LRRC70: variants seen among roughly 807,000 people sequenced by gnomAD.
LRRC70 encodes the protein leucine rich repeat containing 70.
A neutral mutation model predicts 42.4 loss-of-function variants in LRRC70; 31 were observed. The observed-to-expected ratio is 0.73, with a 90% CI of 0.55 to 0.99. LRRC70 has a LOEUF of 0.99. LRRC70 is among the 50% of genes least tolerant of loss of function. The pLI, the probability that LRRC70 is intolerant of heterozygous loss-of-function variation, is 0.00. For synonymous variants in LRRC70, 270 were observed against 262.9 expected (o/e 1.03, Z -0.26); for missense variants, 643 against 707.5 (o/e 0.91, Z 1.03).
Position 62,581,052 on chromosome 5 carries a change from T to C in LRRC70, c.1614T>C (p.Ala538=). Residue 538 remains alanine, a synonymous_variant, in exon 2 of 2, where the codon GCT becomes GCC. Coordinates refer to ENST00000334994, the MANE Select transcript of LRRC70 (RefSeq NM_181506.5). ...FDILLAFFIL[A]CVLIIFLIYK... Reference sequence around the variant, plus strand: ...TTTTGCTAGCTTTTTTCATCTTAGCTTGTGTTTTAATCATTTTTTTGATCT... The same window carrying C: ...TTTTGCTAGCTTTTTTCATCTTAGCCTGTGTTTTAATCATTTTTTTGATCT... 1.9e-6 allele frequency: 3 copies of C among 1,550,646 alleles called. No homozygotes were observed. The highest frequency in any genetic ancestry group is 2.6e-6 in the Non-Finnish European group (3 of 1,146,704).
rs1439025161 is a variant in LRRC70 at position 62,579,803 on chromosome 5, G to A, written c.365G>A (p.Arg122His). The stretch of plus-strand genomic sequence containing the variant: ...TTTCTAAATAATAATTTCATCAAAC[G>A]CTTAGATCCTGGAATATTTAAGGGA... The part of the protein sequence containing the change: ...FLFLNNNFIK[R>H]LDPGIFKGLL... The change falls in exon 2 of 2, where the codon CGC becomes CAC. Residue 122 changes from arginine (R) to histidine (H), a missense_variant. Arg to His is a conservative substitution (Grantham distance 29). Transcript: ENST00000334994. The A allele has an allele frequency of 5.2e-6, 8 of 1,544,384 alleles. No individual in the cohort carries two copies. The highest frequency in any genetic ancestry group is 1.4e-5 in the African/African-American group (1 of 72,782).
rs1299337392 is a variant in LRRC70 at position 62,581,162 on chromosome 5, C to G, written c.1724C>G (p.Ser575Ter). 1 of 1,551,170 alleles carries G rather than the reference C, an allele frequency of 6.4e-7. No individual in the cohort carries two copies. The highest frequency in any genetic ancestry group is 8.7e-7 in the Non-Finnish European group (1 of 1,146,748). Residue 575 changes from serine to a stop codon, truncating the protein, a stop_gained, in exon 2 of 2, where the codon TCA becomes TGA. Coordinates refer to ENST00000334994, the MANE Select transcript of LRRC70 (RefSeq NM_181506.5). LOFTEE classifies it high-confidence loss of function. ...NRLEYYSFYQSARYNVTASIC... is the reference protein window; with the variant it reads ...NRLEYYSFYQ ...CTTGAATACTACAGCTTTTATCAGT[C>G]AGCAAGGTATAATGTAACTGCCTCA...
At chr5:62,579,267 A>G (rs1455123045) in intron 1 of LRRC70, 134 bp from the exon 2 acceptor site, 9 of 643,734 alleles carry the variant, frequency 1.4e-5, no homozygotes, top group African/African-American at 1.1e-4. Flanking sequence ...ATTTTTTGCT[A>G]TTACCATGGT....
At position 62,579,418 on chromosome 5, in the gene LRRC70, A is replaced by G. The variant is rs1469956462; in HGVS notation, c.-21A>G. 2 of 1,550,096 alleles carry G rather than the reference A, an allele frequency of 1.3e-6. No homozygotes were observed. The highest frequency in any genetic ancestry group is 3.9e-5 in the Admixed American group (2 of 50,942). ...TTTTATAGCCAATTCTGATCTGAAC[A>G]GAAAATCCAAGAACAGGGATATGTG... On this transcript the variant is annotated 5_prime_UTR_variant, in exon 2 of 2. Coordinates refer to ENST00000334994, the MANE Select transcript of LRRC70 (RefSeq NM_181506.5).
At position 62,580,894 on chromosome 5, in the gene LRRC70, A is replaced by G; in HGVS notation, c.1456A>G (p.Ile486Val). 6.4e-7 allele frequency: 1 copy of G among 1,551,424 alleles called. No homozygotes were observed. Among genetic ancestry groups the G allele is most frequent in the East Asian group, 2.4e-5 (1 of 40,906 alleles). Residue 486 changes from isoleucine to valine, a missense_variant, in exon 2 of 2, where the codon ATA becomes GTA. Physicochemically the swap from Ile to Val is conservative, Grantham distance 29. Transcript: ENST00000334994. ...GACTACAGCAGTGTTACCTGTGCAA[A>G]TACAACTTACTACTTCTGTTACCTT... The part of the protein sequence containing the change: ...LETTAVLPVQ[I>V]QLTTSVTLNL...
Position 62,578,895 on chromosome 5 carries a change from T to A in LRRC70, c.-79T>A. The A allele has an allele frequency of 3.4e-6, 1 of 292,630 alleles. No individual in the cohort carries two copies. Among genetic ancestry groups the A allele is most frequent in the Non-Finnish European group, 6.8e-6 (1 of 148,110 alleles). The allele number at this position is 292,630 out of a possible 1,614,324, so 18.1% of individuals were successfully genotyped here. A position where few individuals can be genotyped will look rare whatever the true frequency, so the allele number is the denominator to read the frequency against. ...TCAGATTTAAAAAGAAAACCTTTAC[T>A]GAATCAGCTGAGTGTTAATAATACG... On this transcript the variant is annotated 5_prime_UTR_variant, in exon 1 of 2. Coordinates refer to ENST00000334994, the MANE Select transcript of LRRC70 (RefSeq NM_181506.5).
chr5:62,579,719 C>G lies in LRRC70; in HGVS notation c.281C>G (p.Ser94Cys), dbSNP rs1468621016. 4 of 1,548,258 alleles carry G rather than the reference C, an allele frequency of 2.6e-6. No homozygotes were observed. Among genetic ancestry groups the G allele is most frequent in the Non-Finnish European group, 3.5e-6 (4 of 1,145,424 alleles). ...HSLVALYLDN[S>C]NILYVYPKAF... ...CTTGTAGCATTGTATTTGGATAATT[C>G]TAACATTCTGTATGTATATCCAAAA... Residue 94 changes from serine (S) to cysteine (C), a missense_variant, in exon 2 of 2, where the codon TCT (serine) becomes TGT (cysteine). By Grantham distance (112) the Ser-to-Cys change is moderately radical. Coordinates refer to ENST00000334994, the MANE Select transcript of LRRC70 (RefSeq NM_181506.5).
Position 62,581,034 on chromosome 5 carries a change from A to G in LRRC70, c.1596A>G (p.Leu532=), listed in dbSNP as rs1744537618. Reference sequence around the variant, plus strand: ...TGAATGAGGCTTTTGACATTTTGCTAGCTTTTTTCATCTTAGCTTGTGTTT... The same window carrying G: ...TGAATGAGGCTTTTGACATTTTGCTGGCTTTTTTCATCTTAGCTTGTGTTT... ...EKLNEAFDIL[L]AFFILACVLI... The change falls in exon 2 of 2, where the codon CTA becomes CTG. Residue 532 remains leucine, a synonymous_variant. Transcript: ENST00000334994. 1 of 1,551,056 alleles carries G rather than the reference A, an allele frequency of 6.4e-7. No individual in the cohort carries two copies. Among genetic ancestry groups the G allele is most frequent in the Non-Finnish European group, 8.7e-7 (1 of 1,146,792 alleles).
chr5:62,579,090 A>G (rs1012950298), intron 1 of LRRC70, among the ~76,000 whole-genome samples, 155 bp downstream of exon 1: 4 of 152,094 alleles, frequency 2.6e-5, no homozygotes, highest in Non-Finnish European at 5.9e-5. Context: ...AAAGGGACAT[A>G]TTAAATTCAA....
rs768277061 is a variant in LRRC70, at chr5:62,581,360, C to T, written c.*53C>T. On this transcript the variant is annotated 3_prime_UTR_variant, in exon 2 of 2. Transcript: ENST00000334994. ...TTCAGTGCCATGGACATGATTTAAA[C>T]TGAAACCTCCTTATATAATTATATA... is the stretch of plus-strand genomic sequence containing the variant. 58 of 1,263,654 alleles carry T rather than the reference C, an allele frequency of 4.6e-5. No individual in the cohort carries two copies. The highest frequency in any genetic ancestry group is 6.6e-5 in the Admixed American group (2 of 30,252). 78.3% of individuals were successfully genotyped at this position (1,263,654 alleles called of 1,614,324 possible). A position where few individuals can be genotyped will look rare whatever the true frequency, so the allele number is the denominator to read the frequency against.
rs1278209378 is a variant in LRRC70, at chr5:62,581,081, A to G, written c.1643A>G (p.Lys548Arg). ...ACVLIIFLIY[K>R]VVQFKQKLKA... is the part of the protein sequence containing the mutation. ...GTTTTAATCATTTTTTTGATCTACAAAGTTGTTCAGTTTAAACAAAAACTA... is the reference window on the plus strand; with the variant it reads ...GTTTTAATCATTTTTTTGATCTACAGAGTTGTTCAGTTTAAACAAAAACTA... Residue 548 changes from lysine to arginine, a missense_variant, in exon 2 of 2, where the codon AAA becomes AGA. Lys to Arg is a conservative substitution (Grantham distance 26). Transcript: ENST00000334994. 3.2e-6 allele frequency: 5 copies of G among 1,549,566 alleles called. No homozygotes were observed. The highest frequency in any genetic ancestry group is 4.9e-5 in the East Asian group (2 of 40,896).
At chr5:62,579,066 G>A (rs1201098185) in intron 1 of LRRC70, 131 bp downstream of exon 1, 4 of 249,630 alleles carry the variant, frequency 1.6e-5, no homozygotes, top group Non-Finnish European at 3.2e-5. Context: ...TTTGATATTA[G>A]ACTTTATGTT....
In LRRC70 at chr5:62,581,222, C is replaced by G; in HGVS notation, c.1784C>G (p.Pro595Arg). Residue 595 changes from proline (P) to arginine (R), a missense_variant, in exon 2 of 2, where the codon CCT (proline) becomes CGT (arginine). By Grantham distance (103) the Pro-to-Arg change is moderately radical. Transcript: ENST00000334994. Reference protein sequence around the residue: ...CNTSPNSLESPGLEQIRLHKQ... With the variant: ...CNTSPNSLESRGLEQIRLHKQ... ...ACTTCCCCAAATTCTCTAGAAAGTC[C>G]TGGCTTGGAGCAGATTCGACTTCAT... 6.5e-7 allele frequency: 1 copy of G among 1,550,130 alleles called. No individual in the cohort carries two copies. Among genetic ancestry groups the G allele is most frequent in the South Asian group, 1.2e-5 (1 of 83,530 alleles).
chr5:62,580,140 T>G lies in LRRC70; in HGVS notation c.702T>G (p.Ser234=). Residue 234 remains serine, a synonymous_variant, in exon 2 of 2, where the codon TCT becomes TCG. Coordinates refer to ENST00000334994, the MANE Select transcript of LRRC70 (RefSeq NM_181506.5). ...FEVLKSLRRL[S]LSHNPIEAIQ... Reference sequence around the variant, plus strand: ...TACTTAAAAGTCTTAGAAGACTTTCTTTGTCTCATAATCCTATTGAAGCAA... The same window carrying G: ...TACTTAAAAGTCTTAGAAGACTTTCGTTGTCTCATAATCCTATTGAAGCAA... 6.4e-7 allele frequency: 1 copy of G among 1,550,788 alleles called. No homozygotes were observed. The highest frequency in any genetic ancestry group is 8.7e-7 in the Non-Finnish European group (1 of 1,146,246).
chr5:62,581,406 A>C lies in LRRC70; in HGVS notation c.*99A>C. On this transcript the variant is annotated 3_prime_UTR_variant, in exon 2 of 2. Transcript: ENST00000334994. ...ATATACTTTAGTTGGAAATATAATG[A>C]ATTATATGAGGTTAGCATTATTAAA... The C allele has an allele frequency of 1.1e-6, 1 of 902,430 alleles. No homozygotes were observed. Among genetic ancestry groups the C allele is most frequent in the Non-Finnish European group, 1.6e-6 (1 of 619,528 alleles). 55.9% of individuals were successfully genotyped at this position (902,430 alleles called of 1,614,324 possible). A position where few individuals can be genotyped will look rare whatever the true frequency, so the allele number is the denominator to read the frequency against.
chr5:62,579,046 TATA>T (rs1387867841), intron 1 of LRRC70, 111 bp downstream of exon 1: 118 of 239,898 alleles, frequency 4.9e-4, no homozygotes, highest in Admixed American at 1.6e-4. Context: ...TTTCATAAAT[TATA>T]ATGTTATTTG....
chr5:62,579,372 A>G (rs1381492451), intron 1 of LRRC70, 29 bp from the exon 2 acceptor site: 2 of 1,445,714 alleles, frequency 1.4e-6, no homozygotes, highest in East Asian at 2.5e-5. Flanking sequence ...AGTTTTCGTG[A>G]TTTAAAGCTT....
At position 62,580,099 on chromosome 5, in the gene LRRC70, TCA is replaced by T. The variant is rs766030459; in HGVS notation, c.662_663del (p.Ser221Ter). ...AAGTAATAATTTAACAAAAGTACCATCAAATGCCTTTGAAGTACTTAAAAGTC... is the reference window on the plus strand; with the variant it reads ...AAGTAATAATTTAACAAAAGTACCATAATGCCTTTGAAGTACTTAAAAGTC... ...LGSNNLTKVP[S>X]NAFEVLKSLR... On this transcript the variant is annotated frameshift_variant, in exon 2 of 2. Transcript: ENST00000334994. LOFTEE classifies it high-confidence loss of function. 6.4e-7 allele frequency: 1 copy of T among 1,551,120 alleles called. No homozygotes were observed. Among genetic ancestry groups the T allele is most frequent in the Non-Finnish European group, 8.7e-7 (1 of 1,146,602 alleles).
chr5:62,580,163 C>T lies in LRRC70; in HGVS notation c.725C>T (p.Ala242Val). 1 of 1,551,116 alleles carries T rather than the reference C, an allele frequency of 6.4e-7. No homozygotes were observed. The highest frequency in any genetic ancestry group is 1.4e-5 in the African/African-American group (1 of 73,106). The change falls in exon 2 of 2, where the codon GCA (alanine) becomes GTA (valine). Residue 242 changes from alanine (A) to valine (V), a missense_variant. Transcript: ENST00000334994. ...TCTTTGTCTCATAATCCTATTGAAG[C>T]AATACAGCCCTTTGCATTTAAAGGA... ...RLSLSHNPIEAIQPFAFKGLA... is the reference protein window; with the variant it reads ...RLSLSHNPIEVIQPFAFKGLA...
Sources: gnomAD v4.1 joint callset for allele counts (sites outside exome capture counted in the v4.1 genomes callset) on GRCh38, gnomAD v4.1.1 for gene constraint, MANE v1.5 for transcripts, NCBI Gene and HGNC (gene_info 2026-07-23, HGNC 2026-07-21) for gene names.